Variants in AFG2A observed in about 807,000 individuals in gnomAD.
The protein encoded by AFG2A is ATPase family gene 2 protein homolog A.
the AFG2A span, among the ~76,000 whole-genome samples, chr4:123,289,201 T>C: frequency 3.3e-5 from 5 of 152,152 alleles, no homozygotes; most frequent in Non-Finnish European, 7.3e-5. Context: ...CCAGTGTCCA[T>C]TATACAATTC....
At chr4:123,129,947 C>A in the AFG2A span, among the ~76,000 whole-genome samples, 2 of 151,954 alleles carry the variant, frequency 1.3e-5, no homozygotes, top group African/African-American at 4.8e-5. Flanking sequence ...ACGTGAGAAA[C>A]TGAAACACAG....
At chr4:123,207,285 C>CTTTTTTTTTTTTTTTTTTTTTT in the AFG2A span, among the ~76,000 whole-genome samples, 2 of 108,486 alleles carry the variant, frequency 1.8e-5, 1 homozygote, top group Non-Finnish European at 3.5e-5. Flanking sequence ...GTTGTGTTTC[C>CTTTTTTTTTTTTTTTTTTTTTT]TTTTTTTTTT....
the AFG2A span, among the ~76,000 whole-genome samples, chr4:123,061,074 C>T: frequency 6.6e-6 from 1 of 152,170 alleles, no homozygotes; most frequent in South Asian, 2.1e-4. Context: ...TTTATTGTTC[C>T]ATATTGCTGT....
chr4:123,206,386 C>T, the AFG2A span, among the ~76,000 whole-genome samples: 1 of 151,888 alleles, frequency 6.6e-6, no homozygotes. Context: ...TAAGTGTGCC[C>T]GATTTTTATT....
the AFG2A span, among the ~76,000 whole-genome samples, chr4:123,226,499 T>C: frequency 2.6e-5 from 4 of 152,196 alleles, no homozygotes; most frequent in African/African-American, 9.7e-5. Context: ...TCTGTTTATA[T>C]GCTGGATTAC....
At chr4:123,205,380 G>A in the AFG2A span, among the ~76,000 whole-genome samples, 2 of 151,666 alleles carry the variant, frequency 1.3e-5, no homozygotes, top group Admixed American at 6.6e-5. Flanking sequence ...ACATAATACA[G>A]TCAGCCCCCC....
At chr4:123,157,042 G>A in the AFG2A span, among the ~76,000 whole-genome samples, 1 of 151,742 alleles carries the variant, frequency 6.6e-6, no homozygotes, top group African/African-American at 2.4e-5. Context: ...TTGAGACAGA[G>A]TCTTGCTCTG....
chr4:123,155,612 T>A, the AFG2A span, among the ~76,000 whole-genome samples: 1 of 61,328 alleles, frequency 1.6e-5, no homozygotes, highest in African/African-American at 4.4e-5. Context: ...TTTCAAAATT[T>A]AAATTGTTAA....
the AFG2A span, among the ~76,000 whole-genome samples, chr4:123,175,823 A>G: frequency 6.6e-6 from 1 of 152,174 alleles, no homozygotes; most frequent in Non-Finnish European, 1.5e-5. Flanking sequence ...AATAAAATAA[A>G]TGTTCAGGCA....
the AFG2A span, among the ~76,000 whole-genome samples, chr4:123,221,704 C>T: frequency 1.3e-5 from 2 of 152,160 alleles, no homozygotes; most frequent in East Asian, 3.9e-4. Flanking sequence ...GTGAGCAGAT[C>T]ACCTGAAGTC....
the AFG2A span, chr4:122,923,453 G>C: frequency 0.029 from 31,056 of 1,060,808 alleles, 1,296 homozygotes; most frequent in South Asian, 0.14. Context: ...TAAGACTTCT[G>C]TATGTAAGAA....
At chr4:123,215,797 T>C in the AFG2A span, among the ~76,000 whole-genome samples, 3 of 152,122 alleles carry the variant, frequency 2.0e-5, no homozygotes, top group African/African-American at 7.2e-5. Context: ...TTTTCAAAAG[T>C]GTGACAAGAT....
chr4:123,261,039 T>C, the AFG2A span, among the ~76,000 whole-genome samples: 12 of 152,102 alleles, frequency 7.9e-5, no homozygotes, highest in Non-Finnish European at 1.5e-4. Flanking sequence ...GGTTGTGTGC[T>C]CCCTATGAGA....
the AFG2A span, among the ~76,000 whole-genome samples, chr4:123,160,727 A>G: frequency 3.9e-5 from 6 of 152,238 alleles, no homozygotes; most frequent in African/African-American, 1.4e-4. Context: ...TTTTTTAAAT[A>G]CAAGTAGTAT....
chr4:123,250,221 A>G, the AFG2A span, among the ~76,000 whole-genome samples: 3,721 of 152,296 alleles, frequency 0.024, 166 homozygotes, highest in African/African-American at 0.083. Context: ...AGAATTTATA[A>G]AAAAGAAAAG....
chr4:122,971,100 T>C, the AFG2A span, among the ~76,000 whole-genome samples: 13 of 152,164 alleles, frequency 8.5e-5, no homozygotes, highest in African/African-American at 1.2e-4. Context: ...CCTTGCCAAA[T>C]GCACTTATTA....
chr4:123,059,241 G>A, the AFG2A span, among the ~76,000 whole-genome samples: 3 of 150,612 alleles, frequency 2.0e-5, no homozygotes, highest in African/African-American at 7.3e-5. Flanking sequence ...CCATACTGGT[G>A]TGCTGCACCC....
the AFG2A span, among the ~76,000 whole-genome samples, chr4:123,307,686 T>C: frequency 6.6e-6 from 1 of 152,212 alleles, no homozygotes; most frequent in African/African-American, 2.4e-5. Context: ...TCCAAAATAA[T>C]ATACAGTCAT....
chr4:123,106,881 G>A, the AFG2A span, among the ~76,000 whole-genome samples: 1 of 152,254 alleles, frequency 6.6e-6, no homozygotes, highest in African/African-American at 2.4e-5. Context: ...GGAGCGGTGA[G>A]GGTTGTGTGG....
Sources: allele counts gnomAD v4.1 joint callset (sites outside exome capture counted in the v4.1 genomes callset), GRCh38; gene constraint gnomAD v4.1.1; transcripts MANE v1.5; gene names NCBI Gene and HGNC (gene_info 2026-07-23, HGNC 2026-07-21).